Variants in ZNF521 observed in about 807,000 individuals in gnomAD.
The protein encoded by ZNF521 is LYST-interacting protein 3.
Under a neutral mutation model 105.5 loss-of-function variants are expected in ZNF521, and 14 were observed. That is an observed-to-expected ratio of 0.13 (90% CI 0.09 to 0.21). ZNF521 has a LOEUF of 0.21. Among genes scored for constraint, ZNF521 ranks in the 10% least tolerant of loss-of-function variants. ZNF521 has a pLI of 1.00. For missense variants in ZNF521, 1,233 were observed against 1,629.7 expected, an observed-to-expected ratio of 0.76 and a Z score of 4.19; for synonymous variants, 635 against 606.0, an observed-to-expected ratio of 1.05 and a Z score of -0.70.
intron 5 of ZNF521, among the ~76,000 whole-genome samples, chr18:25,125,167 C>T (rs552154155): frequency 5.3e-5 from 8 of 152,124 alleles, no homozygotes; most frequent in South Asian, 4.1e-4. Flanking sequence ...TCAAAGGAAA[C>T]GGTGGATTTT....
intron 7 of ZNF521, among the ~76,000 whole-genome samples, chr18:25,070,311 G>C (rs2033186381): frequency 6.6e-6 from 1 of 152,090 alleles, no homozygotes; most frequent in African/African-American, 2.4e-5. Flanking sequence ...TTGTTCTCTG[G>C]ACATTTGTGC....
At chr18:25,074,440 C>T (rs545426820) in intron 7 of ZNF521, among the ~76,000 whole-genome samples, 4 of 152,226 alleles carry the variant, frequency 2.6e-5, no homozygotes, top group African/African-American at 7.2e-5. Context: ...TGTGTGCTTG[C>T]TTTTCTTTCT....
At chr18:25,270,713 AC>A (rs1909594823) in intron 3 of ZNF521, among the ~76,000 whole-genome samples, 1 of 152,226 alleles carries the variant, frequency 6.6e-6, no homozygotes, top group Non-Finnish European at 1.5e-5. Context: ...AAGGCCTTTG[AC>A]AAAATTCAAC....
At chr18:25,136,734 T>C (rs2034741450) in intron 5 of ZNF521, 1 of 152,228 alleles carries the variant, frequency 6.6e-6, no homozygotes, top group East Asian at 1.9e-4. Flanking sequence ...TCCTTTGTTT[T>C]GGAGTCTAGT....
intron 5 of ZNF521, among the ~76,000 whole-genome samples, chr18:25,097,671 G>A (rs1715259385): frequency 6.6e-6 from 1 of 152,050 alleles, no homozygotes; most frequent in Non-Finnish European, 1.5e-5. Context: ...CAGGTTCCTG[G>A]ACCCTGACTG....
chr18:25,284,269 C>T (rs991135458), intron 3 of ZNF521, among the ~76,000 whole-genome samples: 8 of 152,110 alleles, frequency 5.3e-5, no homozygotes, highest in African/African-American at 1.9e-4. Flanking sequence ...ACACTCCCAC[C>T]CTTGCCCTCA....
intron 7 of ZNF521, among the ~76,000 whole-genome samples, chr18:25,075,665 T>A (rs2033343541): frequency 6.6e-6 from 1 of 152,248 alleles, no homozygotes; most frequent in Non-Finnish European, 1.5e-5. Flanking sequence ...CAGACTCACC[T>A]AAGTTGTTGA....
chr18:25,167,473 C>T (rs1188874230), intron 5 of ZNF521, among the ~76,000 whole-genome samples: 1 of 152,074 alleles, frequency 6.6e-6, no homozygotes, highest in Non-Finnish European at 1.5e-5. Flanking sequence ...CCTACCTGAC[C>T]AAAATTCTTG....
intron 3 of ZNF521, among the ~76,000 whole-genome samples, chr18:25,254,194 G>C (rs1239407731): frequency 6.6e-6 from 1 of 152,048 alleles, no homozygotes; most frequent in Admixed American, 6.6e-5. Flanking sequence ...ATAATTGTGG[G>C]ACAGTAAAGG....
At chr18:25,307,517 T>A (rs1343380442) in intron 3 of ZNF521, among the ~76,000 whole-genome samples, 1 of 152,116 alleles carries the variant, frequency 6.6e-6, no homozygotes, top group East Asian at 1.9e-4. Context: ...AGAATCAAAT[T>A]TAAGCTCTTG....
intron 3 of ZNF521, among the ~76,000 whole-genome samples, chr18:25,276,786 A>G (rs1910058784): frequency 6.6e-6 from 1 of 152,272 alleles, no homozygotes; most frequent in Non-Finnish European, 1.5e-5. Context: ...TAACACAGAT[A>G]TATTTAGTTC....
rs372600633 is a variant in ZNF521, at chr18:25,227,328, G to A, written c.590C>T (p.Thr197Met). 21 of 1,614,042 alleles carry A rather than the reference G, an allele frequency of 1.3e-5. No individual in the cohort carries two copies. The highest frequency in any genetic ancestry group is 1.8e-5 in the Non-Finnish European group (21 of 1,180,024). The change falls in exon 4 of 8, where the codon ACG (threonine) becomes ATG (methionine). Residue 197 changes from threonine (T) to methionine (M), a missense_variant. Thr to Met is a moderately conservative substitution (Grantham distance 81). This residue lies in a region of ZNF521 where 380 missense variants were observed against 478.0 expected (regional missense o/e 0.80). Coordinates refer to ENST00000361524, the MANE Select transcript of ZNF521 (RefSeq NM_015461.3). This position sits in a 1 kb window ranked among gnomAD's most constrained non-coding sequence, Gnocchi z 5.7. ...GGCACATTTATATGGCTTGTTGGAC[G>A]TGTGAGTCTTTAAGTGGATCTTCAA... is the stretch of plus-strand genomic sequence containing the variant. ...DHLKIHLKTH[T>M]SNKPYKCAIC... is the part of the protein sequence containing the mutation.
At chr18:25,218,245 T>C (rs1215683409) in intron 4 of ZNF521, among the ~76,000 whole-genome samples, 1 of 151,968 alleles carries the variant, frequency 6.6e-6, no homozygotes, top group South Asian at 2.1e-4. Context: ...TGGAGATGGA[T>C]TTGAAAATGA....
intron 3 of ZNF521, among the ~76,000 whole-genome samples, chr18:25,270,289 C>T (rs1358845501): frequency 2.0e-5 from 3 of 152,010 alleles, no homozygotes; most frequent in Non-Finnish European, 4.4e-5. Flanking sequence ...AATTAATAGC[C>T]TACCAACCAA....
intron 5 of ZNF521, among the ~76,000 whole-genome samples, chr18:25,121,273 C>CTT (rs55714696): frequency 6.7e-4 from 85 of 126,210 alleles, no homozygotes; most frequent in South Asian, 2.4e-3. Flanking sequence ...CTTCTTCTTC[C>CTT]TTTTTTTTTT....
intron 5 of ZNF521, among the ~76,000 whole-genome samples, chr18:25,110,334 GTCCTGCCTGCCCCCTTGCA>G (rs1350186960): frequency 6.6e-6 from 1 of 152,164 alleles, no homozygotes; most frequent in East Asian, 1.9e-4. Flanking sequence ...TGCGCCTTGG[GTCCTGCCTGCCCCCTTGCA>G]TCCTGCCTGA....
At chr18:25,079,625 G>C (rs62082220) in intron 7 of ZNF521, among the ~76,000 whole-genome samples, 1 of 100,054 alleles carries the variant, frequency 1.0e-5, no homozygotes, top group Non-Finnish European at 2.2e-5. Context: ...GAGAGAGAGA[G>C]AGAGTGAAAG....
At chr18:25,171,364 ATGT>A in intron 5 of ZNF521, among the ~76,000 whole-genome samples, 2 of 152,256 alleles carry the variant, frequency 1.3e-5, no homozygotes, top group East Asian at 3.9e-4. Context: ...CTATTTATTA[ATGT>A]TGTACACTTT....
intron 2 of ZNF521, chr18:25,327,469 T>C (rs1298341330): frequency 8.6e-7 from 1 of 1,167,490 alleles, no homozygotes; most frequent in Non-Finnish European, 1.1e-6. Context: ...AATCAGAGAG[T>C]ATCTGTTTAA....
Sources: allele counts gnomAD v4.1 joint callset (sites outside exome capture counted in the v4.1 genomes callset), GRCh38; gene constraint gnomAD v4.1.1; regional missense constraint gnomAD v4.1.1; non-coding constraint Gnocchi (gnomAD v3.1); transcripts MANE v1.5; gene names NCBI Gene and HGNC (gene_info 2026-07-23, HGNC 2026-07-21).